Variants in RIF1 observed in about 807,000 individuals in gnomAD.
RIF1 encodes telomere-associated protein RIF1.
Under a neutral mutation model 247.1 loss-of-function variants are expected in RIF1, and 45 were observed. That is an observed-to-expected ratio of 0.18 (90% CI 0.14 to 0.23). The LOEUF is 0.23. Among genes scored for constraint, RIF1 ranks in the 10% least tolerant of loss-of-function variants. The pLI, the probability that RIF1 is intolerant of heterozygous loss-of-function variation, is 1.00. For missense variants in RIF1, 2,967 were observed against 2,862.5 expected (o/e 1.04, Z -0.83); for synonymous variants, 1,087 against 978.8 (o/e 1.11, Z -2.06).
intron 9 of RIF1, chr2:151,493,705 A>G (rs2058278063): frequency 8.3e-7 from 1 of 1,200,514 alleles, no homozygotes; most frequent in Non-Finnish European, 1.2e-6. Context: ...CTGTAAGATA[A>G]ATTAGTGGTA....
chr2:151,462,955 T>C lies in RIF1; in HGVS notation c.3435T>C (p.Leu1145=). 6.2e-7 allele frequency: 1 copy of C among 1,614,040 alleles called. No individual in the cohort carries two copies. Among genetic ancestry groups the C allele is most frequent in the Non-Finnish European group, 8.5e-7 (1 of 1,179,968 alleles). Residue 1145 remains leucine, a synonymous_variant, in exon 30 of 36, where the codon CTT becomes CTC. Coordinates refer to ENST00000444746, the MANE Select transcript of RIF1 (RefSeq NM_018151.5). ...AAGACTGTGGTATGGCTGAACATCT[T>C]GAAAAGTCCTCCCTTTCGAATAATG... ...VTEDCGMAEH[L]EKSSLSNNEC... is the part of the protein sequence containing the mutation.
downstream of RIF1, among the ~76,000 whole-genome samples, chr2:151,485,185 T>C (rs954486433): frequency 2.6e-5 from 4 of 152,234 alleles, no homozygotes; most frequent in Admixed American, 1.3e-4. Flanking sequence ...CAAGTATAGA[T>C]AGAATTTTGA....
rs1490084096 is a variant in RIF1, at chr2:151,476,016, C to A, written c.*945C>A. On this transcript the variant is annotated 3_prime_UTR_variant, in exon 36 of 36. Coordinates refer to ENST00000444746, the MANE Select transcript of RIF1 (RefSeq NM_018151.5). ...ACTTGGTTAACAGTCTTAGTTAAAA[C>A]ATGAGTTTATTTTCTAAAAGTATCC... is the stretch of plus-strand genomic sequence containing the variant. The A allele has an allele frequency of 6.6e-6, 1 of 152,380 alleles. No individual in the cohort carries two copies. Among genetic ancestry groups the A allele is most frequent in the African/African-American group, 2.4e-5 (1 of 41,428 alleles). 9.4% of individuals were successfully genotyped at this position (152,380 alleles called of 1,614,324 possible). A position where few individuals can be genotyped will look rare whatever the true frequency, so the allele number is the denominator to read the frequency against.
chr2:151,510,200 T>G (rs534227206), downstream of RIF1, among the ~76,000 whole-genome samples: 9 of 152,312 alleles, frequency 5.9e-5, no homozygotes, highest in East Asian at 1.7e-3. Flanking sequence ...TTGAGGAGTT[T>G]CTTCAGACCC....
rs1337489023 is a variant in RIF1 at position 151,409,929 on chromosome 2, G to A, written c.-115G>A. Reference sequence around the variant, plus strand: ...CCGCCATCTTGGTCTAGGAGGGAGCGCGCCGCACGCGTGAGTAAACAGCCG... The same window carrying A: ...CCGCCATCTTGGTCTAGGAGGGAGCACGCCGCACGCGTGAGTAAACAGCCG... On this transcript the variant is annotated 5_prime_UTR_variant, in exon 1 of 36. Coordinates refer to ENST00000444746, the MANE Select transcript of RIF1 (RefSeq NM_018151.5). The A allele has an allele frequency of 1.4e-6, 1 of 700,530 alleles. No individual in the cohort carries two copies. Among genetic ancestry groups the A allele is most frequent in the Non-Finnish European group, 2.6e-6 (1 of 384,010 alleles). The allele number at this position is 700,530 out of a possible 1,614,324, so 43.4% of individuals were successfully genotyped here.
intron 12 of RIF1, among the ~76,000 whole-genome samples, chr2:151,503,711 C>A (rs1473601903): frequency 6.6e-6 from 1 of 152,114 alleles, no homozygotes; most frequent in African/African-American, 2.4e-5. Context: ...AATAAATTTA[C>A]CAATGAGAAA....
the RIF1 span, among the ~76,000 whole-genome samples, chr2:151,533,063 A>G: frequency 1.3e-5 from 2 of 152,236 alleles, no homozygotes; most frequent in East Asian, 3.8e-4. Flanking sequence ...CAAGAGACAC[A>G]TTAGATGAAA....
chr2:151,447,825 G>A (rs559456332), intron 20 of RIF1, among the ~76,000 whole-genome samples: 49 of 152,316 alleles, frequency 3.2e-4, no homozygotes, highest in Admixed American at 1.9e-3. Context: ...ACAGGCGTGA[G>A]CCATTGCACC....
intron 3 of RIF1, among the ~76,000 whole-genome samples, chr2:151,414,552 C>G (rs1045410127): frequency 6.6e-6 from 1 of 152,194 alleles, no homozygotes; most frequent in East Asian, 1.9e-4. Flanking sequence ...CATCTTTCAT[C>G]TGTTGACCTC....
chr2:151,519,051 G>A, the RIF1 span: 3 of 1,611,808 alleles, frequency 1.9e-6, no homozygotes, highest in Admixed American at 3.3e-5. Flanking sequence ...AGTTTCTTCA[G>A]GTCAGCCTTG....
chr2:151,507,851 C>T, exon 14 of RIF1: 1 of 617,974 alleles, frequency 1.6e-6, no homozygotes, highest in South Asian at 2.0e-5. Context: ...ACAAGGTGAG[C>T]CCAGAGATGA....
chr2:151,414,231 A>C (rs1686794290), intron 3 of RIF1, among the ~76,000 whole-genome samples: 1 of 152,060 alleles, frequency 6.6e-6, no homozygotes, highest in Admixed American at 6.6e-5. Context: ...GGTTGCAGGG[A>C]ACTGAGATTA....
chr2:151,495,952 C>G (rs182563044), intron 10 of RIF1, among the ~76,000 whole-genome samples: 1 of 152,138 alleles, frequency 6.6e-6, no homozygotes, highest in South Asian at 2.1e-4. Flanking sequence ...CCACCCCACA[C>G]GTACCCGTCC....
chr2:151,503,162 A>ATTTC, exon 12 of RIF1: 1 of 599,242 alleles, frequency 1.7e-6, no homozygotes, highest in Non-Finnish European at 2.9e-6. Context: ...AAGTCACTGA[A>ATTTC]AATGTTCAAG....
At chr2:151,424,759 C>T (rs1299348126) in intron 8 of RIF1, among the ~76,000 whole-genome samples, 1 of 151,172 alleles carries the variant, frequency 6.6e-6, no homozygotes, top group African/African-American at 2.4e-5. Context: ...ACCTCTGTCT[C>T]CCAGTCTCAA....
the RIF1 span, chr2:151,513,564 GA>G: frequency 1.3e-6 from 2 of 1,558,012 alleles, no homozygotes; most frequent in African/African-American, 2.7e-5. Flanking sequence ...GATTGACATC[GA>G]ATAGTAGCAC....
rs549612614 is a variant in RIF1 at position 151,498,810 on chromosome 2, T to C, written c.*514-535T>C. ...TTCTTTTGTTCACTTTCAAAAGAAG[T>C]CAGAGTATTTAATTTTTAGTTTGGG... On this transcript the variant is annotated intron_variant and NMD_transcript_variant, in intron 10 of 13. Transcript: ENST00000454583. 3.9e-5 allele frequency among the ~76,000 whole-genome samples: 6 copies of C among 152,052 alleles called. No homozygotes were observed. In the East Asian group the frequency reaches 1.2e-3, roughly 29 times the overall value.
chr2:151,413,642 C>G (rs1686673498), intron 3 of RIF1, among the ~76,000 whole-genome samples: 2 of 152,196 alleles, frequency 1.3e-5, no homozygotes, highest in African/African-American at 4.8e-5. Flanking sequence ...AGGAGATACA[C>G]TAGTAGCTCT....
chr2:151,437,872 C>T (rs1047849043), intron 13 of RIF1, among the ~76,000 whole-genome samples: 5 of 152,114 alleles, frequency 3.3e-5, no homozygotes, highest in African/African-American at 7.2e-5. Context: ...GAGTCACTTA[C>T]GAGTGGTAGT....
Sources: allele counts gnomAD v4.1 joint callset (sites outside exome capture counted in the v4.1 genomes callset), GRCh38; gene constraint gnomAD v4.1.1; transcripts MANE v1.5; gene names NCBI Gene and HGNC (gene_info 2026-07-23, HGNC 2026-07-21).